The following TRIM49 variants were observed in gnomAD, a reference collection of about 807,000 sequenced individuals.
TRIM49 encodes tripartite motif-containing protein 49.
In TRIM49, 5 loss-of-function variants were observed where a neutral mutation model predicts 27.4. The observed-to-expected ratio is 0.18, with a 90% confidence interval of 0.10 to 0.38. The LOEUF (loss-of-function observed/expected upper bound fraction) is 0.38. Among genes scored for constraint, TRIM49 ranks in the 10% least tolerant of loss-of-function variants. The pLI, the probability that TRIM49 is intolerant of heterozygous loss-of-function variation, is 1.00. For synonymous variants in TRIM49, 69 were observed against 166.0 expected (o/e 0.42, Z 4.49); for missense variants, 188 against 487.5 (o/e 0.39, Z 5.79).
chr11:89,790,839 C>G, the TRIM49 span, among the ~76,000 whole-genome samples: 1 of 152,058 alleles, frequency 6.6e-6, no homozygotes, highest in African/African-American at 2.4e-5. Context: ...AAAATCAGAG[C>G]ACCTCTCCCC....
At chr11:89,803,929 G>C in intron 3 of TRIM49, 130 bp downstream of exon 3, 2 of 1,495,996 alleles carry the variant, frequency 1.3e-6, no homozygotes, top group Non-Finnish European at 1.8e-6. Context: ...CCAGAGGTTG[G>C]AAGCTAAGAA....
At chr11:89,792,984 T>G (rs1299028603), downstream of TRIM49, among the ~76,000 whole-genome samples, 1 of 151,916 alleles carries the variant, frequency 6.6e-6, no homozygotes, top group African/African-American at 2.4e-5. Context: ...TCAACAAAAT[T>G]GATAGACTGC....
chr11:89,785,094 C>A, the TRIM49 span, among the ~76,000 whole-genome samples: 7 of 148,052 alleles, frequency 4.7e-5, no homozygotes, highest in East Asian at 1.4e-3. Flanking sequence ...TATCAATAGC[C>A]TGGTTACAGA....
the TRIM49 span, among the ~76,000 whole-genome samples, chr11:89,791,865 A>G: frequency 6.6e-6 from 1 of 151,228 alleles, no homozygotes; most frequent in African/African-American, 2.4e-5. Context: ...CTAACATCAT[A>G]ATGACAGGAT....
chr11:89,793,632 C>A (rs1949670029), downstream of TRIM49, among the ~76,000 whole-genome samples: 1 of 151,956 alleles, frequency 6.6e-6, no homozygotes, highest in Non-Finnish European at 1.5e-5. Flanking sequence ...AAGACAAAAA[C>A]CACATGATTA....
At chr11:89,773,060 A>G in the TRIM49 span, among the ~76,000 whole-genome samples, 2 of 136,914 alleles carry the variant, frequency 1.5e-5, 1 homozygote, top group African/African-American at 6.6e-5. Context: ...TCATGGTGGC[A>G]GACACCTGTA....
downstream of TRIM49, among the ~76,000 whole-genome samples, chr11:89,794,547 C>A (rs1187130707): frequency 2.0e-5 from 3 of 150,980 alleles, no homozygotes; most frequent in East Asian, 2.0e-4. Context: ...GAGACATAGA[C>A]CAATGGAATA....
At chr11:89,792,559 G>A in the TRIM49 span, among the ~76,000 whole-genome samples, 514 of 152,158 alleles carry the variant, frequency 3.4e-3, 4 homozygotes, top group African/African-American at 0.011. Context: ...AGACCACAGC[G>A]CAATCAAACT....
At chr11:89,797,572 T>C (rs1257992835), downstream of TRIM49, 4 of 152,330 alleles carry the variant, frequency 2.6e-5, no homozygotes, top group Non-Finnish European at 4.4e-5. Flanking sequence ...TATTTCAATG[T>C]AGACGAGCAC....
At chr11:89,772,452 T>A in the TRIM49 span, among the ~76,000 whole-genome samples, 1 of 129,178 alleles carries the variant, frequency 7.7e-6, no homozygotes, top group Middle Eastern at 3.6e-3. Context: ...AATCTGAGAA[T>A]CTCTTTGTGA....
intron 2 of TRIM49, among the ~76,000 whole-genome samples, chr11:89,805,182 C>A (rs4143330): frequency 1.3e-5 from 2 of 150,206 alleles, no homozygotes; most frequent in African/African-American, 5.0e-5. Context: ...TATTTTCTTG[C>A]GGATTAAATT....
At chr11:89,803,596 G>A in intron 4 of TRIM49, 102 bp downstream of exon 4, 2 of 1,403,108 alleles carry the variant, frequency 1.4e-6, no homozygotes, top group South Asian at 2.8e-5. Context: ...TTTTTTTACT[G>A]TATCCCAGAA....
the TRIM49 span, among the ~76,000 whole-genome samples, chr11:89,772,407 G>A: frequency 7.7e-6 from 1 of 129,120 alleles, no homozygotes; most frequent in Non-Finnish European, 1.5e-5. Flanking sequence ...TGGTGTTCAA[G>A]GGTCAACTCT....
chr11:89,766,839 A>G, the TRIM49 span: 12 of 1,320,784 alleles, frequency 9.1e-6, 1 homozygote, highest in Non-Finnish European at 1.3e-5. Context: ...AGATTTAAAC[A>G]TTGTGCTATT....
the TRIM49 span, among the ~76,000 whole-genome samples, chr11:89,785,321 A>G: frequency 1.4e-3 from 197 of 144,540 alleles, 12 homozygotes; most frequent in African/African-American, 5.1e-3. Context: ...GACTTGGGGG[A>G]AAAATATGCA....
chr11:89,767,947 G>T, the TRIM49 span, among the ~76,000 whole-genome samples: 1 of 137,256 alleles, frequency 7.3e-6, no homozygotes, highest in Non-Finnish European at 1.5e-5. Flanking sequence ...TACATGAATG[G>T]TTCTACGTCC....
the TRIM49 span, among the ~76,000 whole-genome samples, chr11:89,774,324 T>C: frequency 6.6e-6 from 1 of 151,072 alleles, no homozygotes; most frequent in Non-Finnish European, 1.5e-5. Flanking sequence ...TTGCTTTGAA[T>C]AAACTGTGTT....
intron 4 of TRIM49, among the ~76,000 whole-genome samples, chr11:89,803,068 G>A (rs1168811585): frequency 6.7e-6 from 1 of 150,322 alleles, no homozygotes; most frequent in Non-Finnish European, 1.5e-5. Context: ...TTATTTTAAT[G>A]TTTTTCTGAA....
At chr11:89,768,046 G>A in the TRIM49 span, 1 of 473,780 alleles carries the variant, frequency 2.1e-6, no homozygotes, top group Non-Finnish European at 3.7e-6. Flanking sequence ...TCTGTTTGAG[G>A]ATAGTGAAAC....
Sources: gnomAD v4.1 joint callset for allele counts (sites outside exome capture counted in the v4.1 genomes callset) on GRCh38, gnomAD v4.1.1 for gene constraint, MANE v1.5 for transcripts, NCBI Gene and HGNC (gene_info 2026-07-23, HGNC 2026-07-21) for gene names.